CDH4: variants seen among roughly 807,000 people sequenced by gnomAD.
CDH4 encodes cadherin-4.
In CDH4, 33 loss-of-function variants were observed where a neutral mutation model predicts 86.0. The observed-to-expected ratio is 0.38, with a 90% CI of 0.29 to 0.51. CDH4 has a LOEUF of 0.51. CDH4 is among the 20% of genes least tolerant of loss of function. The pLI is 0.86. For missense variants in CDH4, 1,114 were observed against 1,307.4 expected (o/e 0.85, Z 2.28); for synonymous variants, 555 against 549.4 (o/e 1.01, Z -0.14).
chr20:61,725,880 C>T (rs2088104817), intron 2 of CDH4, among the ~76,000 whole-genome samples: 1 of 152,160 alleles, frequency 6.6e-6, no homozygotes, highest in South Asian at 2.1e-4. Context: ...TCCTGATGTG[C>T]AAGGCACTAA....
chr20:61,348,125 T>TA (rs1242615574), intron 2 of CDH4, among the ~76,000 whole-genome samples: 1 of 152,200 alleles, frequency 6.6e-6, no homozygotes, highest in African/African-American at 2.4e-5. Context: ...ACACTGCTAA[T>TA]AAAGACATAC....
chr20:61,456,798 A>G (rs1258942572), intron 2 of CDH4, among the ~76,000 whole-genome samples: 2 of 152,178 alleles, frequency 1.3e-5, no homozygotes, highest in African/African-American at 2.4e-5. Context: ...TGGATGTGTC[A>G]TTAGTATGAT....
intron 2 of CDH4, among the ~76,000 whole-genome samples, chr20:61,360,514 G>A (rs1409518975): frequency 6.6e-6 from 1 of 152,212 alleles, no homozygotes; most frequent in Non-Finnish European, 1.5e-5. Flanking sequence ...GTCCAGTGCT[G>A]CAGAGATGAG....
chr20:61,436,170 C>G (rs561006415), intron 2 of CDH4, among the ~76,000 whole-genome samples: 5 of 152,290 alleles, frequency 3.3e-5, no homozygotes, highest in African/African-American at 9.6e-5. Flanking sequence ...GGCTTCAACC[C>G]CCACCTTGGG....
chr20:61,486,846 A>C (rs2085599550), intron 2 of CDH4, among the ~76,000 whole-genome samples: 3 of 152,192 alleles, frequency 2.0e-5, no homozygotes, highest in South Asian at 2.1e-4. Flanking sequence ...CTATGATTGC[A>C]TCACTGTACT....
intron 4 of CDH4, 67 bp downstream of exon 4, chr20:61,773,249 C>G: frequency 7.0e-7 from 1 of 1,420,258 alleles, no homozygotes; most frequent in Non-Finnish European, 9.4e-7. Flanking sequence ...CTCCCGACAT[C>G]CCAAAGCCAG....
chr20:61,296,500 A>G (rs1568786768), intron 2 of CDH4, among the ~76,000 whole-genome samples: 1 of 152,114 alleles, frequency 6.6e-6, no homozygotes, highest in Non-Finnish European at 1.5e-5. Flanking sequence ...ATGCTTTAAA[A>G]TTATGGGCCA....
intron 2 of CDH4, among the ~76,000 whole-genome samples, chr20:61,659,276 C>T (rs1014692301): frequency 1.3e-5 from 2 of 151,644 alleles, no homozygotes; most frequent in Non-Finnish European, 1.5e-5. Context: ...AGGGCAACCA[C>T]TAAAACATTA....
chr20:61,658,885 G>T (rs983318763), intron 2 of CDH4, among the ~76,000 whole-genome samples: 3 of 152,184 alleles, frequency 2.0e-5, no homozygotes, highest in East Asian at 1.9e-4. Flanking sequence ...GGGTAGGGGG[G>T]AGTGACATGC....
intron 8 of CDH4, among the ~76,000 whole-genome samples, chr20:61,898,489 A>G (rs1037129561): frequency 1.3e-5 from 2 of 152,186 alleles, no homozygotes; most frequent in African/African-American, 2.4e-5. Context: ...AAAGCCTCCT[A>G]TTAACACCGA....
At chr20:61,280,599 A>G (rs2084253538) in intron 2 of CDH4, among the ~76,000 whole-genome samples, 1 of 152,216 alleles carries the variant, frequency 6.6e-6, no homozygotes, top group African/African-American at 2.4e-5. Flanking sequence ...GTTTATTTAT[A>G]AGCACAAGGC....
chr20:61,713,422 A>C (rs1465360545), intron 2 of CDH4, among the ~76,000 whole-genome samples: 9 of 152,280 alleles, frequency 5.9e-5, no homozygotes, highest in Non-Finnish European at 8.8e-5. Context: ...CTAAGCGTGG[A>C]ACTTTGTTTC....
At chr20:61,731,062 G>A (rs2088175948) in intron 2 of CDH4, among the ~76,000 whole-genome samples, 1 of 152,030 alleles carries the variant, frequency 6.6e-6, no homozygotes, top group African/African-American at 2.4e-5. Flanking sequence ...CCTCACCCTG[G>A]GGTCTGGAGT....
At chr20:61,934,000 AG>A (rs533506051) in intron 14 of CDH4, 55 bp from the exon 15 acceptor site, 1 of 1,590,820 alleles carries the variant, frequency 6.3e-7, no homozygotes, top group Non-Finnish European at 8.6e-7. Context: ...GCAGGGTGGA[AG>A]GGGGGCTGGC....
intron 2 of CDH4, among the ~76,000 whole-genome samples, chr20:61,402,666 C>A (rs1340016730): frequency 1.3e-5 from 2 of 152,188 alleles, no homozygotes; most frequent in South Asian, 2.1e-4. Context: ...GCTGGGATTA[C>A]AGGCATGAGC....
chr20:61,491,729 A>G (rs1288559616), intron 2 of CDH4, among the ~76,000 whole-genome samples: 1 of 151,932 alleles, frequency 6.6e-6, no homozygotes, highest in Admixed American at 6.5e-5. Flanking sequence ...CTTGCTGCTG[A>G]TGTCAGTAGT....
intron 2 of CDH4, among the ~76,000 whole-genome samples, chr20:61,602,303 C>T (rs1295491748): frequency 6.6e-6 from 1 of 152,120 alleles, no homozygotes; most frequent in East Asian, 1.9e-4. Context: ...GACACCCGGT[C>T]CCCAGTAGGG....
chr20:61,543,770 T>G (rs1225672197), intron 2 of CDH4, among the ~76,000 whole-genome samples: 1 of 152,208 alleles, frequency 6.6e-6, no homozygotes, highest in Non-Finnish European at 1.5e-5. Context: ...TAAATTGGCC[T>G]CCTGCAACGT....
Position 61,565,297 on chromosome 20 carries a change from G to C in CDH4, c.170-178266G>C, listed in dbSNP as rs1287333758. Among the ~76,000 whole-genome samples the C allele has an allele frequency of 1.4e-4, 8 of 58,174 alleles. 1 individual carries two copies. Among genetic ancestry groups the C allele is most frequent in the Admixed American group, 1.0e-3 (7 of 6,884 alleles). The allele number at this position is 58,174 out of a possible 152,430, so 38.2% of individuals were successfully genotyped here. On this transcript the variant is annotated intron_variant, in intron 2 of 15. Transcript: ENST00000614565. ...CTCTTGGTGATGGGGTGATGGTGGTGGCGGTGCTCTTGGTGGTGGCGGTGC... is the reference window on the plus strand; with the variant it reads ...CTCTTGGTGATGGGGTGATGGTGGTCGCGGTGCTCTTGGTGGTGGCGGTGC...
Sources: allele counts gnomAD v4.1 joint callset (sites outside exome capture counted in the v4.1 genomes callset), GRCh38; gene constraint gnomAD v4.1.1; transcripts MANE v1.5; gene names NCBI Gene and HGNC (gene_info 2026-07-23, HGNC 2026-07-21).